The following PLPPR1 variants were observed in gnomAD, a reference collection of about 807,000 sequenced individuals.
PLPPR1 encodes phospholipid phosphatase related 1, also known as phospholipid phosphatase-related protein type 1.
Under a neutral mutation model 33.1 loss-of-function variants are expected in PLPPR1, and 10 were observed. That is an observed-to-expected ratio of 0.30 (90% confidence interval 0.19 to 0.51). The LOEUF (loss-of-function observed/expected upper bound fraction) is 0.51. Among genes scored for constraint, PLPPR1 ranks in the 20% least tolerant of loss-of-function variants. PLPPR1 has a pLI of 0.97. For synonymous variants in PLPPR1, 151 were observed against 151.0 expected (o/e 1.00, Z 0.00); for missense variants, 304 against 408.1 (o/e 0.74, Z 2.20).
intron 1 of PLPPR1, among the ~76,000 whole-genome samples, chr9:101,169,689 G>A (rs1285890730): frequency 9.5e-6 from 1 of 104,820 alleles, no homozygotes; most frequent in Non-Finnish European, 2.4e-5. Flanking sequence ...TTTGTTACAT[G>A]TTATCAAATG....
intron 1 of PLPPR1, among the ~76,000 whole-genome samples, chr9:101,111,282 T>C (rs750612857): frequency 5.9e-5 from 9 of 152,140 alleles, no homozygotes; most frequent in African/African-American, 9.6e-5. Flanking sequence ...AAATAAAAGC[T>C]AGGAAGATAT....
chr9:101,305,501 C>T (rs566726708), intron 4 of PLPPR1, among the ~76,000 whole-genome samples: 2 of 152,152 alleles, frequency 1.3e-5, no homozygotes, highest in South Asian at 2.1e-4. Flanking sequence ...TTTTGAGGCT[C>T]TACCCAAGGT....
chr9:101,270,142 TTCTTC>T (rs1351640641), intron 3 of PLPPR1, 74 bp downstream of exon 3: 545 of 1,489,810 alleles, frequency 3.7e-4, no homozygotes, highest in Non-Finnish European at 4.1e-4. Context: ...TTTCTCCTCT[TTCTTC>T]TCTTCCTGAG....
At chr9:101,291,077 C>T (rs564171374) in intron 4 of PLPPR1, among the ~76,000 whole-genome samples, 1 of 152,366 alleles carries the variant, frequency 6.6e-6, no homozygotes, top group Non-Finnish European at 1.5e-5. Flanking sequence ...GGGTCACTCC[C>T]ACCCTAATAC....
intron 1 of PLPPR1, among the ~76,000 whole-genome samples, chr9:101,070,915 ATGAAT>A (rs1218445278): frequency 6.6e-6 from 1 of 152,204 alleles, no homozygotes; most frequent in African/African-American, 2.4e-5. Flanking sequence ...CTGAGTTAAA[ATGAAT>A]TAATCAATTT....
At chr9:101,112,952 A>G (rs1416421566) in intron 1 of PLPPR1, among the ~76,000 whole-genome samples, 5 of 152,210 alleles carry the variant, frequency 3.3e-5, no homozygotes, top group Non-Finnish European at 7.3e-5. Context: ...ATTTTCAGTG[A>G]ACATGATTTG....
chr9:101,238,613 G>C (rs928058795), intron 2 of PLPPR1, among the ~76,000 whole-genome samples: 4 of 151,502 alleles, frequency 2.6e-5, no homozygotes, highest in Non-Finnish European at 5.9e-5. Flanking sequence ...TGGATTAATA[G>C]ACATTGGAGA....
At chr9:101,143,381 G>A (rs188415191) in intron 1 of PLPPR1, among the ~76,000 whole-genome samples, 56 of 152,090 alleles carry the variant, frequency 3.7e-4, no homozygotes, top group Non-Finnish European at 6.2e-4. Flanking sequence ...TTCATATATC[G>A]AAGCCCTAAC....
chr9:101,238,300 T>C (rs1187704617), intron 2 of PLPPR1, among the ~76,000 whole-genome samples: 1 of 136,764 alleles, frequency 7.3e-6, no homozygotes, highest in Non-Finnish European at 1.6e-5. Context: ...ACCCTATATA[T>C]ATATAGGGTA....
chr9:101,270,144 C>T, intron 3 of PLPPR1, 76 bp downstream of exon 3: 3 of 1,474,296 alleles, frequency 2.0e-6, no homozygotes, highest in Non-Finnish European at 1.9e-6. Context: ...TCTCCTCTTT[C>T]TTCTCTTCCT....
intron 1 of PLPPR1, among the ~76,000 whole-genome samples, chr9:101,100,703 T>C (rs1830887292): frequency 7.1e-6 from 1 of 140,344 alleles, no homozygotes; most frequent in Non-Finnish European, 1.5e-5. Flanking sequence ...GTTCCGTGTG[T>C]GTGTGTGTGT....
At chr9:101,209,936 G>C (rs1021517027) in intron 2 of PLPPR1, among the ~76,000 whole-genome samples, 1 of 152,136 alleles carries the variant, frequency 6.6e-6, no homozygotes, top group Admixed American at 6.6e-5. Context: ...TGTTAACCCA[G>C]GTATAAGCCC....
At chr9:101,097,930 T>C (rs1286150685) in intron 1 of PLPPR1, among the ~76,000 whole-genome samples, 1 of 152,166 alleles carries the variant, frequency 6.6e-6, no homozygotes, top group African/African-American at 2.4e-5. Context: ...ATTTGTATAA[T>C]GAAAATACGA....
intron 1 of PLPPR1, among the ~76,000 whole-genome samples, chr9:101,107,680 G>T (rs1287497404): frequency 1.1e-5 from 1 of 89,722 alleles, no homozygotes; most frequent in Non-Finnish European, 2.1e-5. Flanking sequence ...GCTCCACCCA[G>T]TTCGAGCTTC....
chr9:101,193,292 C>G (rs1236142393), intron 2 of PLPPR1, among the ~76,000 whole-genome samples: 1 of 152,112 alleles, frequency 6.6e-6, no homozygotes, highest in East Asian at 1.9e-4. Context: ...CTGTAATTCC[C>G]CTACTATCCC....
chr9:101,078,106 A>AG (rs1212262927), intron 1 of PLPPR1, among the ~76,000 whole-genome samples: 590 of 1,636 alleles, frequency 0.36, 98 homozygotes, highest in Middle Eastern at 0.75. Context: ...GAGAAGGAGA[A>AG]GAAGAAGAAG....
chr9:101,061,242 T>C (rs1022245568), intron 1 of PLPPR1, among the ~76,000 whole-genome samples: 1 of 151,966 alleles, frequency 6.6e-6, no homozygotes, highest in Non-Finnish European at 1.5e-5. Flanking sequence ...ATATGAAATA[T>C]ATCTAATTGC....
At chr9:101,099,084 A>ATAGG (rs1830859847) in intron 1 of PLPPR1, among the ~76,000 whole-genome samples, 2 of 50,572 alleles carry the variant, frequency 4.0e-5, no homozygotes. Context: ...AATAAGTCTA[A>ATAGG]TGGATGTGGT....
intron 1 of PLPPR1, among the ~76,000 whole-genome samples, chr9:101,172,376 G>A (rs1047454948): frequency 6.6e-6 from 1 of 151,788 alleles, no homozygotes; most frequent in African/African-American, 2.4e-5. Context: ...AAAATATGCT[G>A]CAAGGAGTAC....
Sources: gnomAD v4.1 joint callset for allele counts (sites outside exome capture counted in the v4.1 genomes callset) on GRCh38, gnomAD v4.1.1 for gene constraint, MANE v1.5 for transcripts, NCBI Gene and HGNC (gene_info 2026-07-23, HGNC 2026-07-21) for gene names.